The following AKAP13 variants were observed in gnomAD, a reference collection of about 807,000 sequenced individuals.
The protein encoded by AKAP13 is A-kinase anchoring protein 13.
A neutral mutation model predicts 264.5 loss-of-function variants in AKAP13; 80 were observed. That is an observed-to-expected ratio of 0.30 (90% CI 0.25 to 0.36). AKAP13 has a LOEUF of 0.36. Ranked by LOEUF, AKAP13 falls within the 10% of genes least tolerant of loss-of-function variation. AKAP13 has a pLI of 1.00. For missense variants in AKAP13, 3,712 were observed against 3,435.2 expected (o/e 1.08, Z -2.01); for synonymous variants, 1,380 against 1,250.2 (o/e 1.10, Z -2.19).
Position 85,575,236 on chromosome 15 carries a change from C to T in AKAP13, c.768C>T (p.Thr256=), listed in dbSNP as rs1379575302. The change falls in exon 6 of 37, where the codon ACC becomes ACT. Residue 256 remains threonine, a synonymous_variant. Transcript: ENST00000394518. ...HHRELDIYTL[T]SESDSHHEHP... ...GAGAGTTGGACATCTATACATTAACCTCTGAGTCTGATTCACATCATGAAC... is the reference window on the plus strand; with the variant it reads ...GAGAGTTGGACATCTATACATTAACTTCTGAGTCTGATTCACATCATGAAC... 2.5e-6 allele frequency: 4 copies of T among 1,614,008 alleles called. No homozygotes were observed. Among genetic ancestry groups the T allele is most frequent in the East Asian group, 2.2e-5 (1 of 44,888 alleles).
In AKAP13 at chr15:85,416,135, AG is replaced by A. The variant is rs1366578607; in HGVS notation, c.-12+35339del. On this transcript the variant is annotated intron_variant, in intron 1 of 36. Transcript: ENST00000394518. Reference sequence around the variant, plus strand: ...TAAAATTTTGAGAGCATTAAAGAATAGGTTACTCTTTTATAATTGTAGAGTT... The same window carrying A: ...TAAAATTTTGAGAGCATTAAAGAATAGTTACTCTTTTATAATTGTAGAGTT... Among the ~76,000 whole-genome samples, 6 of 152,370 alleles carry A rather than the reference AG, an allele frequency of 3.9e-5. No individual in the cohort carries two copies. The South Asian group carries it at 1.2e-3, about 32-fold the overall frequency.
chr15:85,640,688 C>T (rs1390884392), intron 9 of AKAP13, among the ~76,000 whole-genome samples: 4 of 152,164 alleles, frequency 2.6e-5, no homozygotes, highest in African/African-American at 9.7e-5. Flanking sequence ...ACGTGTACCA[C>T]TTACTACTGT....
intron 13 of AKAP13, among the ~76,000 whole-genome samples, chr15:85,666,212 A>G (rs2083588899): frequency 6.6e-6 from 1 of 152,034 alleles, no homozygotes; most frequent in Non-Finnish European, 1.5e-5. Flanking sequence ...TTTAATGATC[A>G]CCATTCTAAC....
In AKAP13 at chr15:85,701,755, T is replaced by A. The variant is rs1597110926; in HGVS notation, c.5465-6264T>A. On this transcript the variant is annotated intron_variant, in intron 17 of 36. Coordinates refer to ENST00000394518, the MANE Select transcript of AKAP13 (RefSeq NM_007200.5). ...ACCATGCCTGGCTATATTTGAGGTT[T>A]AAACTGAAAAGTATCAGACAGCAAA... Among the ~76,000 whole-genome samples, 4 of 152,076 alleles carry A rather than the reference T, an allele frequency of 2.6e-5. No individual in the cohort carries two copies. In the South Asian group the frequency reaches 6.2e-4, roughly 24 times the overall value.
intron 1 of AKAP13, among the ~76,000 whole-genome samples, chr15:85,401,720 T>C (rs2071427264): frequency 6.6e-6 from 1 of 152,178 alleles, no homozygotes; most frequent in South Asian, 2.1e-4. Flanking sequence ...CTTCCTTAGG[T>C]CTCCCTACTT....
In AKAP13 at chr15:85,557,630, G is replaced by A. The variant is rs752604416; in HGVS notation, c.662+13675G>A. ...CAGGCACGCACCACCACTAACTAAC[G>A]CACCTGGCTAACTTTTGAAAATTTT... On this transcript the variant is annotated intron_variant, in intron 5 of 36. Transcript: ENST00000394518. Among the ~76,000 whole-genome samples the A allele has an allele frequency of 3.3e-5, 5 of 151,952 alleles. No homozygotes were observed. In the East Asian group the frequency reaches 5.8e-4, roughly 18 times the overall value.
At chr15:85,552,694 C>A (rs1023731025) in intron 5 of AKAP13, among the ~76,000 whole-genome samples, 2 of 136,024 alleles carry the variant, frequency 1.5e-5, no homozygotes, top group African/African-American at 5.5e-5. Flanking sequence ...GTGGTGCGAT[C>A]TCAGCTCACT....
intron 1 of AKAP13, among the ~76,000 whole-genome samples, chr15:85,429,689 A>G (rs2072944247): frequency 6.6e-6 from 1 of 152,174 alleles, no homozygotes; most frequent in Non-Finnish European, 1.5e-5. Flanking sequence ...AGAGAGCACA[A>G]ATCTGCATAG....
At position 85,688,803 on chromosome 15, in the gene AKAP13, A is replaced by G. The variant is rs57660470; in HGVS notation, c.5289+3930A>G. On this transcript the variant is annotated intron_variant, in intron 16 of 36. Transcript: ENST00000394518. Reference sequence around the variant, plus strand: ...ATAAGTGATTAGATTAGATAAATATATTGAATGTGTTTGTGGAAGATGAGA... The same window carrying G: ...ATAAGTGATTAGATTAGATAAATATGTTGAATGTGTTTGTGGAAGATGAGA... Among the ~76,000 whole-genome samples, 1,033 of 152,328 alleles carry G rather than the reference A, an allele frequency of 6.8e-3. 19 individuals carry two copies. The highest frequency in any genetic ancestry group is 0.024 in the African/African-American group (995 of 41,568).
intron 1 of AKAP13, among the ~76,000 whole-genome samples, chr15:85,443,938 A>G (rs1484098761): frequency 1.3e-5 from 2 of 152,008 alleles, no homozygotes; most frequent in Non-Finnish European, 2.9e-5. Flanking sequence ...TCTGTTGTTT[A>G]TTTTGTTGCC....
intron 8 of AKAP13, among the ~76,000 whole-genome samples, chr15:85,614,407 T>C (rs1485441160): frequency 6.6e-6 from 1 of 152,264 alleles, no homozygotes; most frequent in Non-Finnish European, 1.5e-5. Context: ...GTTTGGTTTG[T>C]TCATTCTATT....
chr15:85,572,418 A>G (rs1472334425), intron 5 of AKAP13, among the ~76,000 whole-genome samples: 2 of 151,760 alleles, frequency 1.3e-5, no homozygotes, highest in African/African-American at 4.8e-5. Context: ...CGTTTCTTTG[A>G]ACTGTCGAGA....
chr15:85,722,550 A>G (rs940685215), intron 25 of AKAP13, among the ~76,000 whole-genome samples: 1 of 152,210 alleles, frequency 6.6e-6, no homozygotes, highest in Non-Finnish European at 1.5e-5. Context: ...AAGGAAAGGG[A>G]ACACATTGAT....
chr15:85,618,236 G>A (rs1567158087), intron 8 of AKAP13, among the ~76,000 whole-genome samples: 1 of 152,134 alleles, frequency 6.6e-6, no homozygotes, highest in Non-Finnish European at 1.5e-5. Context: ...CTGGCCTGAG[G>A]ACACAGCAAC....
rs1479831244 is a variant in AKAP13 at position 85,669,709 on chromosome 15, T to C, written c.4993-13T>C. 2 of 1,584,872 alleles carry C rather than the reference T, an allele frequency of 1.3e-6. No individual in the cohort carries two copies. Among genetic ancestry groups the C allele is most frequent in the East Asian group, 4.5e-5 (2 of 44,670 alleles). The stretch of plus-strand genomic sequence containing the variant: ...TATGCTTACAACGTGTTCTTCACTT[T>C]TTTACTTCACAGATATGTCACAGAT... On this transcript the variant is annotated splice_polypyrimidine_tract_variant and intron_variant, in intron 13 of 36. Coordinates refer to ENST00000394518, the MANE Select transcript of AKAP13 (RefSeq NM_007200.5).
chr15:85,604,770 G>C (rs962898967), intron 8 of AKAP13, among the ~76,000 whole-genome samples: 5 of 103,004 alleles, frequency 4.9e-5, no homozygotes, highest in Admixed American at 9.8e-5. Context: ...AGCCTTCAAA[G>C]CTTCTTTAGG....
chr15:85,443,092 C>G (rs2073767928), intron 1 of AKAP13, among the ~76,000 whole-genome samples: 1 of 152,002 alleles, frequency 6.6e-6, no homozygotes, highest in Non-Finnish European at 1.5e-5. Context: ...AATTGTTAAC[C>G]TGTGTCTTAT....
chr15:85,510,186 C>T (rs1230034430), intron 2 of AKAP13, among the ~76,000 whole-genome samples: 1 of 152,188 alleles, frequency 6.6e-6, no homozygotes, highest in Admixed American at 6.5e-5. Flanking sequence ...GATGCAGTCT[C>T]TGGCCCAGCT....
Position 85,708,167 on chromosome 15 carries a change from T to G in AKAP13, c.5532+81T>G. On this transcript the variant is annotated intron_variant, in intron 18 of 36. Coordinates refer to ENST00000394518, the MANE Select transcript of AKAP13 (RefSeq NM_007200.5). This position sits in a 1 kb window ranked among gnomAD's most constrained non-coding sequence, Gnocchi z 4.3. ...TCCTCGGGAGTTGGGAGAGTTGAGG[T>G]TGTGGTGGATTTTGTTTATTTTAAT... 7.6e-7 allele frequency: 1 copy of G among 1,312,402 alleles called. No homozygotes were observed. The highest frequency in any genetic ancestry group is 2.4e-5 in the East Asian group (1 of 41,964). The allele number at this position is 1,312,402 out of a possible 1,614,324, so 81.3% of individuals were successfully genotyped here.
Sources: allele counts gnomAD v4.1 joint callset (sites outside exome capture counted in the v4.1 genomes callset), GRCh38; gene constraint gnomAD v4.1.1; non-coding constraint Gnocchi (gnomAD v3.1); transcripts MANE v1.5; gene names NCBI Gene and HGNC (gene_info 2026-07-23, HGNC 2026-07-21).